The following ADCY2 variants were observed in gnomAD, a reference collection of about 807,000 sequenced individuals.
ADCY2 encodes adenylate cyclase type 2.
ADCY2 carries 31 observed loss-of-function variants against 125.2 expected under a neutral mutation model. The ratio of observed to expected loss-of-function variants is 0.25; its 90% CI spans 0.19 to 0.33. The LOEUF (loss-of-function observed/expected upper bound fraction) is 0.33. Among genes scored for constraint, ADCY2 ranks in the 10% least tolerant of loss-of-function variants. The probability of loss-of-function intolerance (pLI) is 1.00; values close to 1 mark genes in which losing one functional copy is unlikely to be tolerated. For synonymous variants in ADCY2, 512 were observed against 548.4 expected (o/e 0.93, Z 0.93); for missense variants, 904 against 1,418.2 (o/e 0.64, Z 5.82).
At chr5:7,816,590 A>G (rs1035717890) in intron 22 of ADCY2, among the ~76,000 whole-genome samples, 1 of 152,244 alleles carries the variant, frequency 6.6e-6, no homozygotes, top group African/African-American at 2.4e-5. Flanking sequence ...CTAATACGAT[A>G]CAGGTTCCCC....
chr5:7,824,052 C>T (rs574950121), intron 24 of ADCY2, among the ~76,000 whole-genome samples: 3 of 152,226 alleles, frequency 2.0e-5, no homozygotes, highest in Non-Finnish European at 2.9e-5. Context: ...TTTTTAATCC[C>T]GAAGGTGTGG....
Position 7,698,313 on chromosome 5 carries a change from T to C in ADCY2, c.1048T>C (p.Ser350Pro), listed in dbSNP as rs761770444. ...CYYCVSGLPISLPNHAKNCVK... is the reference protein window; with the variant it reads ...CYYCVSGLPIPLPNHAKNCVK... The stretch of plus-strand genomic sequence containing the variant: ...CTACTGTGTATCTGGACTCCCTATA[T>C]CTCTCCCTAACCATGCCAAGAACTG... Residue 350 changes from serine (S) to proline (P), a missense_variant, in exon 7 of 25, where the codon TCT (serine) becomes CCT (proline). Ser to Pro is a moderately conservative substitution (Grantham distance 74, BLOSUM62 -1). Coordinates refer to ENST00000338316, the MANE Select transcript of ADCY2 (RefSeq NM_020546.3). 4.0e-5 allele frequency: 65 copies of C among 1,614,222 alleles called. No individual in the cohort carries two copies. The highest frequency in any genetic ancestry group is 5.2e-5 in the Non-Finnish European group (61 of 1,180,020).
At chr5:7,744,859 T>C (rs1742547727) in intron 15 of ADCY2, among the ~76,000 whole-genome samples, 4 of 152,258 alleles carry the variant, frequency 2.6e-5, no homozygotes, top group Non-Finnish European at 4.4e-5. Context: ...ATATGAGTTC[T>C]GCAGTTACAG....
chr5:7,753,675 G>GGGT (rs928425153), intron 15 of ADCY2, among the ~76,000 whole-genome samples: 2 of 152,140 alleles, frequency 1.3e-5, no homozygotes, highest in African/African-American at 4.8e-5. Flanking sequence ...ACTGAATCAA[G>GGGT]GGTCTCCATT....
At position 7,709,806 on chromosome 5, in the gene ADCY2, G is replaced by T. The variant is rs938634617; in HGVS notation, c.1578+419G>T. Among the ~76,000 whole-genome samples, 4 of 152,174 alleles carry T rather than the reference G, an allele frequency of 2.6e-5. No homozygotes were observed. The highest frequency in any genetic ancestry group is 6.5e-5 in the Admixed American group (1 of 15,274). On this transcript the variant is annotated intron_variant, in intron 10 of 24. Transcript: ENST00000338316. The surrounding 1 kb of genome is among the most constrained non-coding windows in gnomAD (Gnocchi z 4.4). ...ATTTCTTCATTGCCCAAATGTCCAG[G>T]CTGTGTGGGCAGCAGTGGATACTAT... is the stretch of plus-strand genomic sequence containing the variant.
chr5:7,684,302 C>G (rs969796153), intron 4 of ADCY2, among the ~76,000 whole-genome samples: 1 of 152,206 alleles, frequency 6.6e-6, no homozygotes, highest in Non-Finnish European at 1.5e-5. Context: ...TGGTGTGCCA[C>G]AAGGTGCCCT....
At chr5:7,818,210 A>C (rs1404173950) in intron 23 of ADCY2, among the ~76,000 whole-genome samples, 1 of 152,218 alleles carries the variant, frequency 6.6e-6, no homozygotes. Flanking sequence ...TGAATATTTA[A>C]AGCCATTTTC....
intron 14 of ADCY2, among the ~76,000 whole-genome samples, chr5:7,734,831 T>C (rs944669358): frequency 4.6e-5 from 7 of 152,148 alleles, no homozygotes; most frequent in African/African-American, 1.7e-4. Flanking sequence ...GAAGCCATGG[T>C]TCCAGAAGCC....
Position 7,632,964 on chromosome 5 carries a change from C to A in ADCY2, c.720+6648C>A, listed in dbSNP as rs191280057. Among the ~76,000 whole-genome samples, 358 of 152,250 alleles carry A rather than the reference C, an allele frequency of 2.4e-3. 1 individual carries two copies. The highest frequency in any genetic ancestry group is 3.5e-3 in the Non-Finnish European group (236 of 68,032). ...GATTGTGCTATGACTGTGCAATCAA[C>A]CTCCTTTAAGGAGGAGTCAACAGTT... On this transcript the variant is annotated intron_variant, in intron 4 of 24. Coordinates refer to ENST00000338316, the MANE Select transcript of ADCY2 (RefSeq NM_020546.3).
At chr5:7,651,179 A>G (rs1451132548) in intron 4 of ADCY2, among the ~76,000 whole-genome samples, 1 of 152,186 alleles carries the variant, frequency 6.6e-6, no homozygotes, top group East Asian at 1.9e-4. Context: ...AGATAGAGGA[A>G]ACAATACAAA....
At chr5:7,565,797 A>G (rs1218102050) in intron 3 of ADCY2, among the ~76,000 whole-genome samples, 1 of 152,166 alleles carries the variant, frequency 6.6e-6, no homozygotes, top group Non-Finnish European at 1.5e-5. Context: ...CTCCCCTAAG[A>G]AACCGCATTG....
intron 3 of ADCY2, among the ~76,000 whole-genome samples, chr5:7,540,736 G>A (rs1734969007): frequency 6.6e-6 from 1 of 152,168 alleles, no homozygotes; most frequent in Non-Finnish European, 1.5e-5. Context: ...GAAGAAGACA[G>A]GCTCCTGTCA....
intron 3 of ADCY2, among the ~76,000 whole-genome samples, chr5:7,575,601 G>A (rs1213280540): frequency 1.3e-5 from 2 of 151,336 alleles, no homozygotes; most frequent in African/African-American, 4.9e-5. Context: ...GGACTTCCTC[G>A]GTCCTAAATA....
At position 7,610,929 on chromosome 5, in the gene ADCY2, G is replaced by A. The variant is rs930080; in HGVS notation, c.571-15238G>A. 7.3e-3 allele frequency among the ~76,000 whole-genome samples: 1,118 copies of A among 152,166 alleles called. 10 individuals carry two copies. Among genetic ancestry groups the A allele is most frequent in the African/African-American group, 0.025 (1,053 of 41,506 alleles). On this transcript the variant is annotated intron_variant, in intron 3 of 24. Transcript: ENST00000338316. ...AAATCAAACTGCTTTTCTTCATTTC[G>A]GTTCTACTCCCAAGTGATTCTGATG... is the stretch of plus-strand genomic sequence containing the variant.
chr5:7,573,741 G>GTTTGTT (rs911665138), intron 3 of ADCY2, among the ~76,000 whole-genome samples: 14 of 150,908 alleles, frequency 9.3e-5, no homozygotes, highest in Admixed American at 2.6e-4. Context: ...TCTTTTTTTT[G>GTTTGTT]TTTGTTTTTG....
chr5:7,420,498 TCAAGAGATTTGCCC>T (rs1740159022), intron 2 of ADCY2, among the ~76,000 whole-genome samples: 1 of 151,976 alleles, frequency 6.6e-6, no homozygotes, highest in Admixed American at 6.6e-5. Flanking sequence ...CCCCAAACCT[TCAAGAGATTTGCCC>T]TCACAGGTTT....
At chr5:7,513,853 A>G (rs958632662) in intron 2 of ADCY2, among the ~76,000 whole-genome samples, 2 of 152,200 alleles carry the variant, frequency 1.3e-5, no homozygotes, top group African/African-American at 2.4e-5. Context: ...TTTTGGAGAG[A>G]AAAATGATTT....
rs1740752527 is a variant in ADCY2, at chr5:7,692,920, C to G, written c.869+2081C>G. ...AATGATGCTCATACACAGGCCTCAA[C>G]CATAGCTTTCCATACTCATCTACTT... On this transcript the variant is annotated intron_variant, in intron 5 of 24. Coordinates refer to ENST00000338316, the MANE Select transcript of ADCY2 (RefSeq NM_020546.3). Among the ~76,000 whole-genome samples the G allele has an allele frequency of 2.6e-5, 4 of 152,150 alleles. No homozygotes were observed. The South Asian group carries it at 8.3e-4, about 32-fold the overall frequency.
At chr5:7,720,889 T>G (rs1266301721) in intron 12 of ADCY2, among the ~76,000 whole-genome samples, 1 of 152,240 alleles carries the variant, frequency 6.6e-6, no homozygotes, top group Non-Finnish European at 1.5e-5. Context: ...CAGCATGTTT[T>G]ATAATCCTTT....
Sources: allele counts gnomAD v4.1 joint callset (sites outside exome capture counted in the v4.1 genomes callset), GRCh38; gene constraint gnomAD v4.1.1; non-coding constraint Gnocchi (gnomAD v3.1); transcripts MANE v1.5; gene names NCBI Gene and HGNC (gene_info 2026-07-23, HGNC 2026-07-21).